The following NTN1 variants were observed in gnomAD, a reference collection of about 807,000 sequenced individuals.
NTN1 encodes netrin-1.
In NTN1, 11 loss-of-function variants were observed where a neutral mutation model predicts 54.2. The observed-to-expected ratio is 0.20, with a 90% CI of 0.13 to 0.34. The LOEUF is 0.34. Among genes scored for constraint, NTN1 ranks in the 10% least tolerant of loss-of-function variants. The probability of loss-of-function intolerance (pLI) is 1.00; values close to 1 mark genes in which losing one functional copy is unlikely to be tolerated. For synonymous variants in NTN1, 371 were observed against 382.0 expected (o/e 0.97, Z 0.33); for missense variants, 740 against 893.1 (o/e 0.83, Z 2.18).
chr17:9,032,008 T>C (rs1597463751), intron 2 of NTN1, among the ~76,000 whole-genome samples: 1 of 148,658 alleles, frequency 6.7e-6, no homozygotes. Flanking sequence ...AAATGTAAAG[T>C]GGATGCCCTC....
intron 2 of NTN1, among the ~76,000 whole-genome samples, chr17:9,090,429 C>T (rs1302115203): frequency 1.3e-5 from 2 of 152,130 alleles, no homozygotes; most frequent in Admixed American, 6.5e-5. Flanking sequence ...CTGCCTCGGC[C>T]TCCCAGAGTG....
the NTN1 span, among the ~76,000 whole-genome samples, chr17:9,006,313 T>C: frequency 0.022 from 3,369 of 152,218 alleles, 123 homozygotes; most frequent in African/African-American, 0.076. Context: ...TAAACAAACC[T>C]CCAGAAAGGT....
chr17:9,178,784 C>A (rs1351732116), intron 3 of NTN1: 1 of 152,484 alleles, frequency 6.6e-6, no homozygotes, highest in African/African-American at 2.4e-5. Context: ...CCTTCCCCAC[C>A]ACACTCTGAG....
chr17:9,182,906 C>T lies in NTN1; in HGVS notation c.1358-10C>T. On this transcript the variant is annotated splice_polypyrimidine_tract_variant and intron_variant, in intron 4 of 6. Transcript: ENST00000173229. Reference sequence around the variant, plus strand: ...CTCCTCCCCTCGCCCCCGTCTTGAACCTCACAAAGAGATCCCTGTAGCGCC... The same window carrying T: ...CTCCTCCCCTCGCCCCCGTCTTGAATCTCACAAAGAGATCCCTGTAGCGCC... The T allele has an allele frequency of 1.2e-6, 2 of 1,614,096 alleles. No individual in the cohort carries two copies. The highest frequency in any genetic ancestry group is 1.1e-5 in the South Asian group (1 of 91,076).
At chr17:9,067,513 C>T (rs571487437) in intron 2 of NTN1, among the ~76,000 whole-genome samples, 19 of 152,214 alleles carry the variant, frequency 1.2e-4, no homozygotes, top group Admixed American at 5.9e-4. Flanking sequence ...TAAATGCACC[C>T]GGGATACATT....
At chr17:9,155,609 G>C (rs2092339561) in intron 2 of NTN1, among the ~76,000 whole-genome samples, 1 of 151,650 alleles carries the variant, frequency 6.6e-6, no homozygotes, top group Admixed American at 6.6e-5. Flanking sequence ...CCAAAGTGCT[G>C]GGATTACAGG....
intron 2 of NTN1, among the ~76,000 whole-genome samples, chr17:9,055,346 C>A (rs1036451412): frequency 6.6e-6 from 1 of 152,184 alleles, no homozygotes; most frequent in Non-Finnish European, 1.5e-5. Flanking sequence ...CAATGCTGTC[C>A]AGAGAGGGAC....
At chr17:9,237,690 C>A (rs559391551) in intron 6 of NTN1, among the ~76,000 whole-genome samples, 1 of 152,188 alleles carries the variant, frequency 6.6e-6, no homozygotes, top group Non-Finnish European at 1.5e-5. Flanking sequence ...CGAGCTCATT[C>A]GTATTCAGCT....
intron 2 of NTN1, among the ~76,000 whole-genome samples, chr17:9,065,320 C>T (rs904707278): frequency 6.6e-6 from 1 of 152,152 alleles, no homozygotes; most frequent in Non-Finnish European, 1.5e-5. Flanking sequence ...CCTTCCCTGC[C>T]AGTCTGACCC....
intron 5 of NTN1, among the ~76,000 whole-genome samples, chr17:9,202,948 GTC>G (rs940403686): frequency 6.6e-6 from 1 of 151,842 alleles, no homozygotes; most frequent in Non-Finnish European, 1.5e-5. Flanking sequence ...TTGAGATGGA[GTC>G]TCTCTCTGTC....
intron 3 of NTN1, among the ~76,000 whole-genome samples, chr17:9,163,615 A>T (rs1386355534): frequency 1.3e-5 from 2 of 152,234 alleles, no homozygotes; most frequent in Non-Finnish European, 2.9e-5. Flanking sequence ...AGGACAAAAA[A>T]AAAAATTAAA....
intron 2 of NTN1, among the ~76,000 whole-genome samples, chr17:9,025,434 A>G (rs112771520): frequency 6.6e-6 from 1 of 152,216 alleles, no homozygotes; most frequent in Non-Finnish European, 1.5e-5. Context: ...CAAAAAGTTT[A>G]ATTAGGCTTA....
intron 5 of NTN1, among the ~76,000 whole-genome samples, chr17:9,198,303 GA>G (rs1904691970): frequency 6.6e-6 from 1 of 152,226 alleles, no homozygotes; most frequent in African/African-American, 2.4e-5. Flanking sequence ...GCTGGGCAGT[GA>G]TACCTGCCCA....
chr17:9,124,651 C>T (rs2092240479), intron 2 of NTN1, among the ~76,000 whole-genome samples: 1 of 152,172 alleles, frequency 6.6e-6, no homozygotes, highest in Non-Finnish European at 1.5e-5. Flanking sequence ...CTTAATTTAC[C>T]GAGCACCTAC....
chr17:9,092,570 G>A (rs2092115234), intron 2 of NTN1, among the ~76,000 whole-genome samples: 1 of 152,022 alleles, frequency 6.6e-6, no homozygotes, highest in South Asian at 2.1e-4. Context: ...GATTACAGGT[G>A]TGAGCCATGG....
At chr17:9,172,156 G>C (rs182173370) in intron 3 of NTN1, among the ~76,000 whole-genome samples, 1 of 152,044 alleles carries the variant, frequency 6.6e-6, no homozygotes, top group African/African-American at 2.4e-5. Flanking sequence ...CCAAAGTGCC[G>C]GGATTACAGA....
chr17:9,035,015 C>T (rs908259006), intron 2 of NTN1, among the ~76,000 whole-genome samples: 16 of 152,178 alleles, frequency 1.1e-4, no homozygotes, highest in Non-Finnish European at 2.1e-4. Flanking sequence ...GGCGTGATCG[C>T]GGCTCGCTGC....
chr17:9,106,463 TCCTC>T (rs1329994855), intron 2 of NTN1, among the ~76,000 whole-genome samples: 2,531 of 103,404 alleles, frequency 0.024, 104 homozygotes, highest in Non-Finnish European at 0.038. Flanking sequence ...CTTCCTTCCT[TCCTC>T]CCTTCCTTCC....
At chr17:9,199,877 A>G (rs1904734212) in intron 5 of NTN1, among the ~76,000 whole-genome samples, 1 of 152,254 alleles carries the variant, frequency 6.6e-6, no homozygotes, top group African/African-American at 2.4e-5. Context: ...TTTTGGCATC[A>G]GGAAGTGGTG....
Sources: allele counts gnomAD v4.1 joint callset (sites outside exome capture counted in the v4.1 genomes callset), GRCh38; gene constraint gnomAD v4.1.1; transcripts MANE v1.5; gene names NCBI Gene and HGNC (gene_info 2026-07-23, HGNC 2026-07-21).